PPARGC1A: variants seen among roughly 807,000 people sequenced by gnomAD.
PPARGC1A encodes the protein peroxisome proliferator-activated receptor gamma coactivator 1-alpha.
A neutral mutation model predicts 88.7 loss-of-function variants in PPARGC1A; 25 were observed. That is an observed-to-expected ratio of 0.28 (90% CI 0.21 to 0.39). The LOEUF (loss-of-function observed/expected upper bound fraction) is 0.39. Ranked by LOEUF, PPARGC1A falls within the 10% of genes least tolerant of loss-of-function variation. PPARGC1A has a pLI of 1.00. For synonymous variants in PPARGC1A, 363 were observed against 355.6 expected, an observed-to-expected ratio of 1.02 and a Z score of -0.24; for missense variants, 880 against 968.7, an observed-to-expected ratio of 0.91 and a Z score of 1.22.
At chr4:24,407,139 C>T in the PPARGC1A span, among the ~76,000 whole-genome samples, 1 of 152,284 alleles carries the variant, frequency 6.6e-6, no homozygotes, top group East Asian at 1.9e-4. Context: ...ACGAAAGGCA[C>T]AAAAGCTGCC....
chr4:24,026,288 G>T, the PPARGC1A span, among the ~76,000 whole-genome samples: 1 of 152,090 alleles, frequency 6.6e-6, no homozygotes, highest in East Asian at 1.9e-4. Flanking sequence ...GTGGGCCCAT[G>T]CATTTCTGAT....
In PPARGC1A at chr4:23,813,117, T is replaced by C. The variant is rs1443644914; in HGVS notation, c.1802A>G (p.Tyr601Cys). ...TCTGTAGTGGCTTGACTCATAGTAA[T>C]AGCAGGATCTGCGCCAGAGGAGAAA... ...PGSRSSSRSC[Y>C]YYESSHYRHR... The change falls in exon 9 of 13, where the codon TAT (tyrosine) becomes TGT (cysteine). Residue 601 changes from tyrosine to cysteine, a missense_variant. By Grantham distance (194) the Tyr-to-Cys change is radical. Coordinates refer to ENST00000264867, the MANE Select transcript of PPARGC1A (RefSeq NM_013261.5). 6.2e-7 allele frequency: 1 copy of C among 1,613,936 alleles called. No individual in the cohort carries two copies.
intron 10 of PPARGC1A, among the ~76,000 whole-genome samples, chr4:23,804,669 T>G (rs920239728): frequency 6.6e-6 from 1 of 152,196 alleles, no homozygotes; most frequent in East Asian, 1.9e-4. Flanking sequence ...CTTTATCTCT[T>G]ATATCGCATT....
At position 23,805,664 on chromosome 4, in the gene PPARGC1A, A is replaced by G. The variant is rs573468385; in HGVS notation, c.2020-3319T>C. Among the ~76,000 whole-genome samples the G allele has an allele frequency of 9.8e-5, 15 of 152,308 alleles. No homozygotes were observed. The East Asian group carries it at 2.9e-3, about 29-fold the overall frequency. ...CTGTTTATGCAGCCAGCTCTAGTCA[A>G]ACAGCCAAATGTGATGGGACTGCTA... is the stretch of plus-strand genomic sequence containing the variant. On this transcript the variant is annotated intron_variant, in intron 10 of 12. Transcript: ENST00000264867.
At chr4:23,837,531 A>G (rs1005765902) in intron 2 of PPARGC1A, among the ~76,000 whole-genome samples, 1 of 152,088 alleles carries the variant, frequency 6.6e-6, no homozygotes, top group Non-Finnish European at 1.5e-5. Context: ...GACGTTTAGC[A>G]CTGGGCCAAC....
At chr4:24,307,529 T>C in the PPARGC1A span, among the ~76,000 whole-genome samples, 1 of 152,180 alleles carries the variant, frequency 6.6e-6, no homozygotes, top group Non-Finnish European at 1.5e-5. Context: ...TTACCCTTCC[T>C]TGGCCTCAAG....
At chr4:23,925,439 A>T in the PPARGC1A span, among the ~76,000 whole-genome samples, 1 of 152,256 alleles carries the variant, frequency 6.6e-6, no homozygotes. Context: ...AAATATAAAG[A>T]TTATAAAGCC....
At chr4:23,951,917 G>A in the PPARGC1A span, among the ~76,000 whole-genome samples, 1 of 152,108 alleles carries the variant, frequency 6.6e-6, no homozygotes, top group Non-Finnish European at 1.5e-5. Flanking sequence ...CATGATGAAA[G>A]GTAGTTGTTC....
the PPARGC1A span, among the ~76,000 whole-genome samples, chr4:24,447,933 T>C: frequency 6.6e-6 from 1 of 152,148 alleles, no homozygotes; most frequent in Admixed American, 6.5e-5. Flanking sequence ...CAGGTTTGCT[T>C]ATTTAGACAT....
At chr4:24,353,378 CTG>C in the PPARGC1A span, among the ~76,000 whole-genome samples, 1 of 133,456 alleles carries the variant, frequency 7.5e-6, no homozygotes, top group African/African-American at 2.9e-5. Flanking sequence ...CGCCCTCCCT[CTG>C]TGGGCTTAAA....
chr4:23,943,423 A>C, the PPARGC1A span, among the ~76,000 whole-genome samples: 1 of 148,428 alleles, frequency 6.7e-6, no homozygotes, highest in Admixed American at 6.7e-5. Flanking sequence ...CTTGGCTCAA[A>C]TTTATACAGA....
At chr4:23,973,175 GGAA>G in the PPARGC1A span, among the ~76,000 whole-genome samples, 4 of 151,376 alleles carry the variant, frequency 2.6e-5, no homozygotes, top group Non-Finnish European at 5.9e-5. Context: ...AGGAAGGGCA[GGAA>G]GAAGAAGGAA....
chr4:24,321,056 G>A, the PPARGC1A span, among the ~76,000 whole-genome samples: 1 of 152,034 alleles, frequency 6.6e-6, no homozygotes, highest in Non-Finnish European at 1.5e-5. Flanking sequence ...ACTCCTCTTC[G>A]TGCAAGCCTG....
At chr4:24,446,067 AAAAAAT>A in the PPARGC1A span, among the ~76,000 whole-genome samples, 3 of 152,186 alleles carry the variant, frequency 2.0e-5, no homozygotes, top group Non-Finnish European at 2.9e-5. Context: ...CTCTGTCTCA[AAAAAAT>A]AAAAATAAAA....
the PPARGC1A span, among the ~76,000 whole-genome samples, chr4:24,263,435 G>A: frequency 2.9e-5 from 4 of 137,536 alleles, no homozygotes; most frequent in African/African-American, 5.6e-5. Context: ...AATGACATAT[G>A]TATACACACA....
chr4:23,993,619 C>T, the PPARGC1A span, among the ~76,000 whole-genome samples: 49 of 152,140 alleles, frequency 3.2e-4, no homozygotes, highest in Non-Finnish European at 5.4e-4. Flanking sequence ...GAAACTGAGG[C>T]GTGGAAAAGG....
the PPARGC1A span, among the ~76,000 whole-genome samples, chr4:24,328,990 C>A: frequency 6.6e-6 from 1 of 152,222 alleles, no homozygotes; most frequent in African/African-American, 2.4e-5. Flanking sequence ...GCACCTGTGT[C>A]AGTCTGAGAG....
chr4:24,143,406 G>A, the PPARGC1A span, among the ~76,000 whole-genome samples: 1 of 152,162 alleles, frequency 6.6e-6, no homozygotes, highest in African/African-American at 2.4e-5. Context: ...AAATCGAGAA[G>A]AGCCAGTTTA....
chr4:23,838,971 A>G (rs1174192102), intron 2 of PPARGC1A, among the ~76,000 whole-genome samples: 2 of 152,198 alleles, frequency 1.3e-5, no homozygotes, highest in Non-Finnish European at 2.9e-5. Context: ...GAAAGCAACG[A>G]TCAAAAACCA....
Sources: allele counts gnomAD v4.1 joint callset (sites outside exome capture counted in the v4.1 genomes callset), GRCh38; gene constraint gnomAD v4.1.1; transcripts MANE v1.5; gene names NCBI Gene and HGNC (gene_info 2026-07-23, HGNC 2026-07-21).